The following RABGAP1L variants were observed in gnomAD, a reference collection of about 807,000 sequenced individuals.
RABGAP1L encodes the protein RAB GTPase activating protein 1 like.
Under a neutral mutation model 137.7 loss-of-function variants are expected in RABGAP1L, and 63 were observed. That is an observed-to-expected ratio of 0.46 (90% confidence interval 0.37 to 0.56). The LOEUF is 0.56. Ranked by LOEUF, RABGAP1L falls within the 20% of genes least tolerant of loss-of-function variation. RABGAP1L has a pLI of 0.00. For synonymous variants in RABGAP1L, 431 were observed against 433.7 expected, an observed-to-expected ratio of 0.99 and a Z score of 0.08; for missense variants, 1,095 against 1,244.0, an observed-to-expected ratio of 0.88 and a Z score of 1.80.
intron 13 of RABGAP1L, among the ~76,000 whole-genome samples, chr1:174,428,501 C>T (rs1371235928): frequency 6.6e-6 from 1 of 152,204 alleles, no homozygotes; most frequent in Non-Finnish European, 1.5e-5. Flanking sequence ...TTCCAAACCT[C>T]AGTGGGCACT....
chr1:174,178,098 C>T (rs2148274875), intron 1 of RABGAP1L, among the ~76,000 whole-genome samples: 1 of 152,304 alleles, frequency 6.6e-6, no homozygotes, highest in South Asian at 2.1e-4. Context: ...GACATTGATT[C>T]TTCCTATCCG....
chr1:174,241,887 A>G (rs1671859785), intron 5 of RABGAP1L, among the ~76,000 whole-genome samples: 3 of 152,224 alleles, frequency 2.0e-5, no homozygotes. Context: ...ATACAACTGG[A>G]TGAGTTGCCT....
At chr1:174,751,024 G>A (rs527664417) in intron 17 of RABGAP1L, among the ~76,000 whole-genome samples, 4 of 152,020 alleles carry the variant, frequency 2.6e-5, no homozygotes, top group Non-Finnish European at 5.9e-5. Context: ...GGTAAATTGT[G>A]GTCAAAACCA....
chr1:174,374,357 A>C (rs1263850998), intron 12 of RABGAP1L, among the ~76,000 whole-genome samples: 2 of 152,134 alleles, frequency 1.3e-5, no homozygotes, highest in African/African-American at 4.8e-5. Context: ...CGTTGTGGCC[A>C]CTTCATAAAA....
intron 13 of RABGAP1L, chr1:174,545,833 A>T (rs556936165): frequency 6.6e-6 from 1 of 152,234 alleles, no homozygotes; most frequent in South Asian, 2.1e-4. Context: ...ACTGAATGAC[A>T]TAGTACATTT....
intron 13 of RABGAP1L, among the ~76,000 whole-genome samples, chr1:174,485,347 C>T (rs557271643): frequency 6.6e-6 from 1 of 152,270 alleles, no homozygotes; most frequent in Admixed American, 6.5e-5. Flanking sequence ...TCTTTTCTGA[C>T]TGCTCTAGCT....
intron 17 of RABGAP1L, among the ~76,000 whole-genome samples, chr1:174,715,660 T>C (rs1184847713): frequency 6.6e-6 from 1 of 152,374 alleles, no homozygotes; most frequent in South Asian, 2.1e-4. Flanking sequence ...GCTGTGATTA[T>C]CCTTGTCCTT....
intron 13 of RABGAP1L, among the ~76,000 whole-genome samples, chr1:174,435,980 T>C (rs888909727): frequency 3.9e-5 from 6 of 152,194 alleles, no homozygotes; most frequent in East Asian, 1.9e-4. Context: ...ACAAAGGACA[T>C]GAACTCATCA....
chr1:174,365,874 T>A (rs1684571685), intron 11 of RABGAP1L, among the ~76,000 whole-genome samples: 1 of 152,248 alleles, frequency 6.6e-6, no homozygotes, highest in South Asian at 2.1e-4. Flanking sequence ...AATTTGGTGT[T>A]CCAGGGAGTG....
At chr1:174,668,377 C>T (rs886986978) in intron 14 of RABGAP1L, among the ~76,000 whole-genome samples, 1 of 152,062 alleles carries the variant, frequency 6.6e-6, no homozygotes, top group Non-Finnish European at 1.5e-5. Flanking sequence ...TTTTTCTATG[C>T]CTGGCATACT....
intron 13 of RABGAP1L, among the ~76,000 whole-genome samples, chr1:174,476,328 G>A (rs965940210): frequency 3.9e-5 from 6 of 152,008 alleles, no homozygotes; most frequent in African/African-American, 1.5e-4. Flanking sequence ...TTACTGGCCA[G>A]CTGAATATCT....
chr1:174,405,288 T>C (rs983767144), intron 13 of RABGAP1L, among the ~76,000 whole-genome samples: 1 of 152,220 alleles, frequency 6.6e-6, no homozygotes, highest in African/African-American at 2.4e-5. Flanking sequence ...ATTTGCTTTT[T>C]CTTTACATGG....
At chr1:174,902,835 C>T (rs1196103734) in intron 19 of RABGAP1L, among the ~76,000 whole-genome samples, 2 of 152,226 alleles carry the variant, frequency 1.3e-5, no homozygotes, top group African/African-American at 4.8e-5. Context: ...TTTGCCTAGT[C>T]AGTCCCAGTG....
intron 24 of RABGAP1L, among the ~76,000 whole-genome samples, chr1:174,985,165 T>G (rs1163299128): frequency 6.6e-6 from 1 of 152,208 alleles, no homozygotes; most frequent in East Asian, 1.9e-4. Flanking sequence ...GCGGATCACT[T>G]GAGTCCAGGA....
intron 18 of RABGAP1L, among the ~76,000 whole-genome samples, chr1:174,775,047 T>C (rs1225979541): frequency 4.6e-5 from 7 of 152,202 alleles, no homozygotes; most frequent in Admixed American, 4.6e-4. Context: ...AATTATCTCT[T>C]AGGATGTTGT....
intron 11 of RABGAP1L, among the ~76,000 whole-genome samples, chr1:174,313,919 G>A (rs1363883626): frequency 6.6e-6 from 1 of 152,084 alleles, no homozygotes; most frequent in Non-Finnish European, 1.5e-5. Flanking sequence ...GTATTTTGTT[G>A]ATGATTTTTG....
intron 13 of RABGAP1L, among the ~76,000 whole-genome samples, chr1:174,590,412 C>G (rs866153257): frequency 4.2e-5 from 5 of 119,464 alleles, no homozygotes; most frequent in Admixed American, 1.8e-4. Context: ...AGGTTAGTTA[C>G]ATATGTATAC....
At chr1:174,614,357 CT>C (rs1417288943) in intron 13 of RABGAP1L, among the ~76,000 whole-genome samples, 2 of 152,156 alleles carry the variant, frequency 1.3e-5, no homozygotes, top group African/African-American at 4.8e-5. Flanking sequence ...GTTGAAAATT[CT>C]TTTCTTTAAG....
chr1:174,956,969 G>C (rs1160779908), intron 19 of RABGAP1L, among the ~76,000 whole-genome samples: 3 of 151,970 alleles, frequency 2.0e-5, no homozygotes, highest in African/African-American at 7.2e-5. Context: ...ATTTCTTGTA[G>C]CTCAATTTTT....
Sources: allele counts gnomAD v4.1 joint callset (sites outside exome capture counted in the v4.1 genomes callset), GRCh38; gene constraint gnomAD v4.1.1; transcripts MANE v1.5; gene names NCBI Gene and HGNC (gene_info 2026-07-23, HGNC 2026-07-21).